The following ZFP62 variants were observed in gnomAD, a reference collection of about 807,000 sequenced individuals.
ZFP62 encodes the protein zinc finger protein 62 homolog.
A neutral mutation model predicts 56.4 loss-of-function variants in ZFP62; 44 were observed. That is an observed-to-expected ratio of 0.78 (90% CI 0.61 to 1.00). The LOEUF (loss-of-function observed/expected upper bound fraction) is 1.00, where lower values mean the gene tolerates loss of function less well. Among genes scored for constraint, ZFP62 ranks in the 50% least tolerant of loss-of-function variants. ZFP62 has a pLI of 0.00. For missense variants in ZFP62, 1,030 were observed against 1,085.7 expected, an observed-to-expected ratio of 0.95 and a Z score of 0.72; for synonymous variants, 421 against 388.9, an observed-to-expected ratio of 1.08 and a Z score of -0.97.
rs369310525 is a variant in ZFP62, at chr5:180,849,867, C to A, written c.1628G>T (p.Arg543Ile). 233 of 1,551,732 alleles carry A rather than the reference C, an allele frequency of 1.5e-4. No individual in the cohort carries two copies. The Middle Eastern group carries it at 1.5e-3, about 10-fold the overall frequency. The change falls in exon 2 of 2, where the codon AGA becomes ATA. Residue 543 changes from arginine to isoleucine, a missense_variant. By Grantham distance (97) the Arg-to-Ile change is moderately conservative. Transcript: ENST00000502412. ...ATGTACTTTAAGGCCAGAATTATTTCTGAAAGCTTTACCACACTCATCACA... is the reference window on the plus strand; with the variant it reads ...ATGTACTTTAAGGCCAGAATTATTTATGAAAGCTTTACCACACTCATCACA... The part of the protein sequence containing the change: ...FGCDECGKAF[R>I]NNSGLKVHKR...
chr5:180,835,964 C>T, the ZFP62 span, among the ~76,000 whole-genome samples: 3 of 152,236 alleles, frequency 2.0e-5, no homozygotes, highest in Non-Finnish European at 2.9e-5. Context: ...GTACTCCATA[C>T]AATTATAACA....
Position 180,850,423 on chromosome 5 carries a change from T to A in ZFP62, c.1072A>T (p.Ile358Phe), listed in dbSNP as rs144722811. 25 of 1,557,420 alleles carry A rather than the reference T, an allele frequency of 1.6e-5. No homozygotes were observed. The South Asian group carries it at 2.5e-4, about 15-fold the overall frequency. The stretch of plus-strand genomic sequence containing the variant: ...TCATAAGGTTTCTCTCCAGTGTGGA[T>A]GACTTTATGCTGAATGAGAAGAGAG... Reference protein sequence around the residue: ...YSSLLIQHKVIHTGEKPYECD... With the variant: ...YSSLLIQHKVFHTGEKPYECD... Residue 358 changes from isoleucine to phenylalanine, a missense_variant, in exon 2 of 2, where the codon ATC becomes TTC. Transcript: ENST00000502412.
At position 180,848,794 on chromosome 5, in the gene ZFP62, A is replaced by G; in HGVS notation, c.2701T>C (p.Ter901GlnextTer28). ...LDGGRMRMPL* is the reference protein window; with the variant it reads ...LDGGRMRMPLQ Reference sequence around the variant, plus strand: ...AGAGACTTGGTAAGCTCTGCCTGCTACAGAGGCATCCTCATCCTGCCCCCA... The same window carrying G: ...AGAGACTTGGTAAGCTCTGCCTGCTGCAGAGGCATCCTCATCCTGCCCCCA... Residue 901 changes from the stop codon to glutamine (Q), a stop_lost, in exon 2 of 2, where the codon TAG (stop) becomes CAG (glutamine). Coordinates refer to ENST00000502412, the MANE Select transcript of ZFP62 (RefSeq NM_001172638.2). The G allele has an allele frequency of 1.3e-6, 2 of 1,523,088 alleles. No homozygotes were observed. Among genetic ancestry groups the G allele is most frequent in the Non-Finnish European group, 1.8e-6 (2 of 1,129,792 alleles). 94.3% of individuals were successfully genotyped at this position (1,523,088 alleles called of 1,614,324 possible). A position where few individuals can be genotyped will look rare whatever the true frequency, so the allele number is the denominator to read the frequency against.
At chr5:180,858,909 G>A (rs964071617) in intron 1 of ZFP62, among the ~76,000 whole-genome samples, 3 of 152,134 alleles carry the variant, frequency 2.0e-5, no homozygotes, top group South Asian at 2.1e-4. Context: ...AGCCAAAAGC[G>A]TCAGACATAG....
In ZFP62 at chr5:180,848,719, G is replaced by A. The variant is rs557910310; in HGVS notation, c.*73C>T. 3,969 of 1,448,210 alleles carry A rather than the reference G, an allele frequency of 2.7e-3. 9 individuals are homozygous for A. The highest frequency in any genetic ancestry group is 3.3e-3 in the Non-Finnish European group (3,632 of 1,097,500). 89.7% of individuals were successfully genotyped at this position (1,448,210 alleles called of 1,614,324 possible). A position where few individuals can be genotyped will look rare whatever the true frequency, so the allele number is the denominator to read the frequency against. Reference sequence around the variant, plus strand: ...TTACACTGTGTAAATTACAAGCCATGACCCCCTACATTCTTACATTCATAA... The same window carrying A: ...TTACACTGTGTAAATTACAAGCCATAACCCCCTACATTCTTACATTCATAA... On this transcript the variant is annotated 3_prime_UTR_variant, in exon 2 of 2. Coordinates refer to ENST00000502412, the MANE Select transcript of ZFP62 (RefSeq NM_001172638.2).
rs2113685249 is a variant in ZFP62, at chr5:180,851,040, T to C, written c.455A>G (p.Tyr152Cys). The C allele has an allele frequency of 6.4e-7, 1 of 1,551,762 alleles. No homozygotes were observed. The highest frequency in any genetic ancestry group is 8.7e-7 in the Non-Finnish European group (1 of 1,147,000). ...KCDECGKSFK[Y>C]NSRLVQHKIM... ...TTTATGTTGAACAAGGCGGGAATTA[T>C]ATTTGAAGGATTTCCCACATTCATC... The change falls in exon 2 of 2, where the codon TAT becomes TGT. Residue 152 changes from tyrosine (Y) to cysteine (C), a missense_variant. Coordinates refer to ENST00000502412, the MANE Select transcript of ZFP62 (RefSeq NM_001172638.2).
chr5:180,837,565 T>G, the ZFP62 span, among the ~76,000 whole-genome samples: 2 of 152,178 alleles, frequency 1.3e-5, no homozygotes, highest in African/African-American at 2.4e-5. Flanking sequence ...CTGAGTTAAC[T>G]TTTAGCAGAG....
chr5:180,854,067 C>A (rs996691580), intron 1 of ZFP62, among the ~76,000 whole-genome samples: 1 of 152,126 alleles, frequency 6.6e-6, no homozygotes, highest in African/African-American at 2.4e-5. Flanking sequence ...GCCCAAAAAA[C>A]AAAACACTCC....
At chr5:180,859,878 CTGT>C (rs1337239415) in intron 1 of ZFP62, among the ~76,000 whole-genome samples, 15 of 152,208 alleles carry the variant, frequency 9.9e-5, no homozygotes, top group Admixed American at 9.8e-4. Context: ...TTTCTAACGG[CTGT>C]TTAGTTTCTT....
rs1773703919 is a variant in ZFP62, at chr5:180,851,367, CAT to C, written c.126_127del (p.Val44LeufsTer3). On this transcript the variant is annotated frameshift_variant, in exon 2 of 2. Coordinates refer to ENST00000502412, the MANE Select transcript of ZFP62 (RefSeq NM_001172638.2). LOFTEE classifies it high-confidence loss of function. ...ATTCTCTACCTTGCTATCCCAAACA[CAT>C]GTGTCACCAACCTTAGATTCAGGCA... is the stretch of plus-strand genomic sequence containing the variant. 1.9e-6 allele frequency: 3 copies of C among 1,551,566 alleles called. No homozygotes were observed. Among genetic ancestry groups the C allele is most frequent in the Non-Finnish European group, 2.6e-6 (3 of 1,147,004 alleles).
chr5:180,840,623 G>A, the ZFP62 span, among the ~76,000 whole-genome samples: 1 of 152,084 alleles, frequency 6.6e-6, no homozygotes, highest in African/African-American at 2.4e-5. Flanking sequence ...CGGGCATGTG[G>A]TGGGCGCCTG....
downstream of ZFP62, among the ~76,000 whole-genome samples, chr5:180,843,342 AAT>A (rs1377686448): frequency 6.6e-6 from 1 of 152,088 alleles, no homozygotes; most frequent in Non-Finnish European, 1.5e-5. Flanking sequence ...AAGATGGAAA[AAT>A]AGAGTATGAA....
the ZFP62 span, among the ~76,000 whole-genome samples, chr5:180,834,096 T>C: frequency 9.1e-4 from 138 of 152,260 alleles, 1 homozygote; most frequent in African/African-American, 3.2e-3. Context: ...GTGGGAACTT[T>C]GGGAAGTAAC....
Position 180,861,242 on chromosome 5 carries a change from C to A in ZFP62, c.-23G>T, listed in dbSNP as rs1167555422. 1 of 397,698 alleles carries A rather than the reference C, an allele frequency of 2.5e-6. No individual in the cohort carries two copies. The highest frequency in any genetic ancestry group is 3.6e-5 in the East Asian group (1 of 28,034). The allele number at this position is 397,698 out of a possible 1,614,324, so 24.6% of individuals were successfully genotyped here. A position where few individuals can be genotyped will look rare whatever the true frequency, so the allele number is the denominator to read the frequency against. ...ACTGGCTGTGGCGGCGCCGCGGGAA[C>A]CCGGCCGCCAGCGGGACAAAAGCGC... On this transcript the variant is annotated 5_prime_UTR_variant, in exon 1 of 2. Transcript: ENST00000502412.
chr5:180,827,393 T>G, the ZFP62 span, among the ~76,000 whole-genome samples: 10 of 151,974 alleles, frequency 6.6e-5, no homozygotes, highest in Non-Finnish European at 1.2e-4. Flanking sequence ...ATCTGTGACC[T>G]TACCCCCAAC....
chr5:180,831,280 T>G, the ZFP62 span: 1 of 152,482 alleles, frequency 6.6e-6, no homozygotes, highest in Admixed American at 6.5e-5. Flanking sequence ...CCAGGGCCTC[T>G]GAGCTCCGGC....
At chr5:180,847,596 T>C (rs1773450117), downstream of ZFP62, 3 of 985,324 alleles carry the variant, frequency 3.0e-6, no homozygotes, top group South Asian at 4.7e-5. Context: ...ATCCTCCATC[T>C]AAACTCACAG....
chr5:180,841,221 A>G, the ZFP62 span, among the ~76,000 whole-genome samples: 1 of 152,072 alleles, frequency 6.6e-6, no homozygotes, highest in African/African-American at 2.4e-5. Flanking sequence ...CAAAATGGAA[A>G]GCATGGCAGT....
chr5:180,830,506 C>T, the ZFP62 span: 1 of 152,528 alleles, frequency 6.6e-6, no homozygotes, highest in Non-Finnish European at 1.5e-5. Flanking sequence ...CAGCCCTGGG[C>T]CTCCATTTCA....
Sources: gnomAD v4.1 joint callset for allele counts (sites outside exome capture counted in the v4.1 genomes callset) on GRCh38, gnomAD v4.1.1 for gene constraint, MANE v1.5 for transcripts, NCBI Gene and HGNC (gene_info 2026-07-23, HGNC 2026-07-21) for gene names.